PPFIA4: variants seen among roughly 807,000 people sequenced by gnomAD.
PPFIA4 encodes the protein liprin-alpha-4.
A neutral mutation model predicts 145.7 loss-of-function variants in PPFIA4; 98 were observed. The ratio of observed to expected loss-of-function variants is 0.67; its 90% CI spans 0.57 to 0.80. The LOEUF is 0.80. Ranked by LOEUF, PPFIA4 falls within the 30% of genes least tolerant of loss-of-function variation. PPFIA4 has a pLI of 0.00. For missense variants in PPFIA4, 1,457 were observed against 1,632.7 expected, an observed-to-expected ratio of 0.89 and a Z score of 1.85; for synonymous variants, 628 against 649.6, an observed-to-expected ratio of 0.97 and a Z score of 0.51.
intron 1 of PPFIA4, among the ~76,000 whole-genome samples, chr1:203,032,239 G>T (rs183187456): frequency 9.4e-4 from 143 of 152,254 alleles, no homozygotes; most frequent in African/African-American, 3.2e-3. Context: ...AGCCTTTTGA[G>T]TTTGTCACAC....
Position 203,060,263 on chromosome 1 carries a change from A to G in PPFIA4, c.2630A>G (p.Asn877Ser), listed in dbSNP as rs1295763119. ...PAWYVAACRANVKSGAIMSAL... is the reference protein window; with the variant it reads ...PAWYVAACRASVKSGAIMSAL... ...TGGTATGTGGCAGCCTGCCGGGCCA[A>G]CGTCAAGAGTGGTGCCATCATGTCC... Residue 877 changes from asparagine to serine, a missense_variant, in exon 22 of 30, where the codon AAC (asparagine) becomes AGC (serine). Asn to Ser is a conservative substitution (Grantham distance 46, BLOSUM62 1). Coordinates refer to ENST00000295706, the MANE Select transcript of PPFIA4 (RefSeq NM_001304331.2). This position sits in a 1 kb window ranked among gnomAD's most constrained non-coding sequence, Gnocchi z 4.8. The G allele has an allele frequency of 3.7e-6, 6 of 1,614,030 alleles. No individual in the cohort carries two copies. Among genetic ancestry groups the G allele is most frequent in the Admixed American group, 3.3e-5 (2 of 60,010 alleles).
intron 1 of PPFIA4, 126 bp from the exon 2 acceptor site, chr1:203,038,484 G>T (rs782807): frequency 0.21 from 32,335 of 152,774 alleles, 3,496 homozygotes; most frequent in South Asian, 0.26. Context: ...CTGGAGAAGG[G>T]GCATGCGCCA....
chr1:203,046,224 A>G lies in PPFIA4; in HGVS notation c.1006-24A>G, dbSNP rs938356842. ...GGGCTTCAGTGCTCCCTTTTGAATCACTTCACCACCCCCACATTGCTAGTG... is the reference window on the plus strand; with the variant it reads ...GGGCTTCAGTGCTCCCTTTTGAATCGCTTCACCACCCCCACATTGCTAGTG... On this transcript the variant is annotated intron_variant, in intron 8 of 29. Coordinates refer to ENST00000295706, the MANE Select transcript of PPFIA4 (RefSeq NM_001304331.2). 4 of 1,573,660 alleles carry G rather than the reference A, an allele frequency of 2.5e-6. No homozygotes were observed. In the African/African-American group the frequency reaches 5.4e-5, roughly 21 times the overall value.
intron 15 of PPFIA4, among the ~76,000 whole-genome samples, chr1:203,054,857 T>G (rs1558086152): frequency 1.3e-5 from 2 of 152,186 alleles, no homozygotes. Context: ...AAAGACATAC[T>G]CAGAATAAAG....
chr1:203,049,978 G>T (rs978150608), intron 13 of PPFIA4, among the ~76,000 whole-genome samples: 1 of 152,226 alleles, frequency 6.6e-6, no homozygotes, highest in African/African-American at 2.4e-5. Flanking sequence ...CTGCTGAGAG[G>T]CGAGTCATCA....
intron 14 of PPFIA4, among the ~76,000 whole-genome samples, chr1:203,052,254 G>A (rs983812213): frequency 3.3e-5 from 5 of 152,284 alleles, no homozygotes; most frequent in Middle Eastern, 3.4e-3. Flanking sequence ...GGTTCATGGC[G>A]GAGACGAGGG....
At chr1:203,071,907 G>A in intron 28 of PPFIA4, 147 bp downstream of exon 28, 2 of 730,702 alleles carry the variant, frequency 2.7e-6, no homozygotes, top group Non-Finnish European at 4.8e-6. Flanking sequence ...ATGTCAGGGG[G>A]TTGAGGAGGT....
intron 27 of PPFIA4, among the ~76,000 whole-genome samples, chr1:203,069,646 C>T (rs751143686): frequency 5.9e-5 from 9 of 152,058 alleles, no homozygotes; most frequent in Non-Finnish European, 1.2e-4. Flanking sequence ...CACGTTTTGG[C>T]TTGAATGAGG....
Position 203,063,958 on chromosome 1 carries a change from A to G in PPFIA4, c.3005A>G (p.Lys1002Arg), listed in dbSNP as rs1244106291. The G allele has an allele frequency of 6.2e-7, 1 of 1,613,980 alleles. No homozygotes were observed. Among genetic ancestry groups the G allele is most frequent in the Non-Finnish European group, 8.5e-7 (1 of 1,179,892 alleles). ...GCCCGCATGCTGGACCACCTCACCA[A>G]GAAGGACCTGCGGGTCCACCTGAAG... is the stretch of plus-strand genomic sequence containing the variant. The part of the protein sequence containing the change: ...VDARMLDHLT[K>R]KDLRVHLKMV... Residue 1002 changes from lysine (K) to arginine (R), a missense_variant, in exon 25 of 30, where the codon AAG becomes AGG. Around this residue, in one of 3 missense-constraint regions of PPFIA4, gnomAD observed 848 missense variants for 1,046.7 expected, o/e 0.81. Coordinates refer to ENST00000295706, the MANE Select transcript of PPFIA4 (RefSeq NM_001304331.2).
intron 6 of PPFIA4, 63 bp downstream of exon 6, chr1:203,044,848 C>G (rs559767294): frequency 7.2e-7 from 1 of 1,383,082 alleles, no homozygotes; most frequent in Non-Finnish European, 1.0e-6. Context: ...GTTGGAGGCC[C>G]GGCTCTGCCT....
At chr1:203,049,642 C>A in intron 12 of PPFIA4, 34 bp from the exon 13 acceptor site, 1 of 1,446,674 alleles carries the variant, frequency 6.9e-7, no homozygotes, top group South Asian at 1.4e-5. Context: ...CCCTGGCCCC[C>A]ACTCCCGCCC....
At chr1:203,051,530 G>C in intron 13 of PPFIA4, 3 of 777,028 alleles carry the variant, frequency 3.9e-6, no homozygotes, top group South Asian at 7.2e-5. Context: ...TCTTATGCCA[G>C]ACGGAAAACC....
intron 1 of PPFIA4, 61 bp from the exon 2 acceptor site, chr1:203,038,549 C>A: frequency 6.4e-6 from 1 of 155,716 alleles, no homozygotes; most frequent in Non-Finnish European, 1.4e-5. Context: ...CTCTGCTCCA[C>A]CCCCTCCCCT....
Position 203,048,742 on chromosome 1 carries a change from G to C in PPFIA4, c.1356+28G>C, listed in dbSNP as rs552040666. The C allele has an allele frequency of 1.8e-4, 295 of 1,602,104 alleles. 2 individuals are homozygous for C. In the South Asian group the frequency reaches 2.9e-3, roughly 16 times the overall value. Reference sequence around the variant, plus strand: ...GCCCAGAGGGGCGGGGTTGGGATGCGAGAGGTTAGTGCTGGGTGTGGGGCG... The same window carrying C: ...GCCCAGAGGGGCGGGGTTGGGATGCCAGAGGTTAGTGCTGGGTGTGGGGCG... On this transcript the variant is annotated intron_variant, in intron 11 of 29. Transcript: ENST00000295706. The surrounding 1 kb of genome is among the most constrained non-coding windows in gnomAD (Gnocchi z 5.8).
chr1:203,057,778 A>G (rs1485079606), intron 19 of PPFIA4, among the ~76,000 whole-genome samples: 2 of 152,224 alleles, frequency 1.3e-5, no homozygotes, highest in Admixed American at 6.5e-5. Flanking sequence ...GAACTCGGCT[A>G]TGGAATGGTG....
At chr1:203,074,033 T>C (rs916395403) in intron 28 of PPFIA4, among the ~76,000 whole-genome samples, 1 of 152,126 alleles carries the variant, frequency 6.6e-6, no homozygotes, top group Admixed American at 6.5e-5. Flanking sequence ...AAGGTTATGG[T>C]TTCTGCCCCA....
intron 1 of PPFIA4, among the ~76,000 whole-genome samples, chr1:203,038,074 G>A (rs571984970): frequency 2.0e-5 from 3 of 152,268 alleles, no homozygotes; most frequent in Admixed American, 2.0e-4. Flanking sequence ...GCCATGTTGT[G>A]CCAGTATCCA....
chr1:203,063,750 C>T (rs1661546324), intron 24 of PPFIA4, 78 bp from the exon 25 acceptor site: 1 of 1,489,052 alleles, frequency 6.7e-7, no homozygotes, highest in Admixed American at 1.7e-5. Context: ...CATGTGTCTC[C>T]CGACCAGCTA....
In PPFIA4 at chr1:203,063,749, C is replaced by G. The variant is rs72754783; in HGVS notation, c.2875-79C>G. On this transcript the variant is annotated intron_variant, in intron 24 of 29. Transcript: ENST00000295706. The stretch of plus-strand genomic sequence containing the variant: ...GGGTGGAGGATGGATTCATGTGTCT[C>G]CCGACCAGCTATACCAGCCTCAGCC... 2,415 of 1,480,080 alleles carry G rather than the reference C, an allele frequency of 1.6e-3. 5 individuals carry two copies. Among genetic ancestry groups the G allele is most frequent in the Non-Finnish European group, 1.6e-3 (1,746 of 1,065,740 alleles). 91.7% of individuals were successfully genotyped at this position (1,480,080 alleles called of 1,614,324 possible).
Sources: allele counts gnomAD v4.1 joint callset (sites outside exome capture counted in the v4.1 genomes callset), GRCh38; gene constraint gnomAD v4.1.1; regional missense constraint gnomAD v4.1.1; non-coding constraint Gnocchi (gnomAD v3.1); transcripts MANE v1.5; gene names NCBI Gene and HGNC (gene_info 2026-07-23, HGNC 2026-07-21).